The following AGBL1 variants were observed in gnomAD, a reference collection of about 807,000 sequenced individuals.
AGBL1 encodes the protein AGBL carboxypeptidase 1, also known as cytosolic carboxypeptidase 4.
AGBL1 carries 130 observed loss-of-function variants against 118.9 expected under a neutral mutation model. That is an observed-to-expected ratio of 1.09 (90% CI 0.95 to 1.26). The LOEUF is 1.26. AGBL1 is among the 50% of genes most tolerant of loss of function. AGBL1 has a pLI of 0.00. For missense variants in AGBL1, 1,584 were observed against 1,298.1 expected (o/e 1.22, Z -3.38); for synonymous variants, 555 against 478.9 (o/e 1.16, Z -2.08).
In AGBL1 at chr15:86,642,834, CTTT is replaced by C. The variant is rs988497963; in HGVS notation, c.2995-31436_2995-31434del. On this transcript the variant is annotated intron_variant, in intron 21 of 22. Coordinates refer to ENST00000614907, the MANE Select transcript of AGBL1 (RefSeq NM_001386094.1). The stretch of plus-strand genomic sequence containing the variant: ...ACCAAGAGCACTGGGTAGCTACCAT[CTTT>C]TTCTGTGCTTTAGGAGGACTATTTT... Among the ~76,000 whole-genome samples the C allele has an allele frequency of 2.6e-5, 4 of 152,206 alleles. No homozygotes were observed. In the East Asian group the frequency reaches 7.7e-4, roughly 29 times the overall value.
chr15:86,775,377 A>T (rs1377771523), intron 22 of AGBL1, among the ~76,000 whole-genome samples: 1 of 152,142 alleles, frequency 6.6e-6, no homozygotes, highest in African/African-American at 2.4e-5. Flanking sequence ...TGGTGACCAT[A>T]CACTTCTCTT....
intron 21 of AGBL1, among the ~76,000 whole-genome samples, chr15:86,569,268 A>C (rs1596275365): frequency 4.9e-5 from 2 of 40,586 alleles, no homozygotes; most frequent in South Asian, 9.0e-4. Flanking sequence ...CCATCTCTAC[A>C]AAAAAAATTA....
intron 22 of AGBL1, among the ~76,000 whole-genome samples, chr15:86,833,147 C>T (rs2141419421): frequency 6.6e-6 from 1 of 152,236 alleles, no homozygotes; most frequent in African/African-American, 2.4e-5. Context: ...TCTCATGACT[C>T]ATGGGCATTA....
At chr15:86,143,080 G>C (rs1160926679) in intron 2 of AGBL1, among the ~76,000 whole-genome samples, 1 of 152,186 alleles carries the variant, frequency 6.6e-6, no homozygotes, top group South Asian at 2.1e-4. Flanking sequence ...AGGTGGAGGA[G>C]GTCCCTGTTC....
At position 86,236,818 on chromosome 15, in the gene AGBL1, T is replaced by A. The variant is rs1014159894; in HGVS notation, c.527-10853T>A. On this transcript the variant is annotated intron_variant, in intron 6 of 22. Transcript: ENST00000614907. ...TTTGCATAGGGCTCAGGGGATTGGT[T>A]TGACCAGGCGTGTCATTCACATAGC... Among the ~76,000 whole-genome samples, 6 of 150,456 alleles carry A rather than the reference T, an allele frequency of 4.0e-5. No individual in the cohort carries two copies. In the Admixed American group the frequency reaches 4.0e-4, roughly 10 times the overall value.
intron 9 of AGBL1, among the ~76,000 whole-genome samples, chr15:86,259,410 A>G (rs1224124667): frequency 3.3e-5 from 5 of 152,320 alleles, no homozygotes; most frequent in Middle Eastern, 6.8e-3. Context: ...ATTAAGGTCA[A>G]TGCTGCCTTT....
intron 17 of AGBL1, among the ~76,000 whole-genome samples, chr15:86,382,299 A>G (rs1038892640): frequency 2.6e-5 from 4 of 152,296 alleles, no homozygotes; most frequent in East Asian, 3.9e-4. Context: ...GGGGCCAGAA[A>G]TAAGTCTTTG....
intron 21 of AGBL1, among the ~76,000 whole-genome samples, chr15:86,636,715 A>ATC (rs2085095060): frequency 1.9e-4 from 4 of 21,568 alleles, no homozygotes; most frequent in African/African-American, 8.0e-4. Flanking sequence ...ATATATATAT[A>ATC]TATATATATA....
chr15:86,719,222 C>A (rs1490984034), intron 22 of AGBL1, among the ~76,000 whole-genome samples: 1 of 152,132 alleles, frequency 6.6e-6, no homozygotes, highest in East Asian at 1.9e-4. Flanking sequence ...GCTTTTTCTT[C>A]CCCCAGTTGA....
chr15:86,382,148 G>A (rs1364436835), intron 17 of AGBL1, among the ~76,000 whole-genome samples: 3 of 151,098 alleles, frequency 2.0e-5, no homozygotes, highest in Non-Finnish European at 4.4e-5. Context: ...ATCAGTCCCA[G>A]GGGATGGGGG....
chr15:86,153,692 T>C (rs994006182), intron 3 of AGBL1, among the ~76,000 whole-genome samples: 5 of 152,210 alleles, frequency 3.3e-5, no homozygotes, highest in Non-Finnish European at 7.3e-5. Context: ...GGGGATAATT[T>C]TATTTTCTTA....
intron 21 of AGBL1, among the ~76,000 whole-genome samples, chr15:86,619,863 A>G (rs532304565): frequency 1.3e-5 from 2 of 152,280 alleles, no homozygotes; most frequent in South Asian, 4.1e-4. Context: ...AAGGAACTGA[A>G]ATGTACATGC....
intron 18 of AGBL1, among the ~76,000 whole-genome samples, chr15:86,508,675 T>C (rs2083014017): frequency 6.6e-6 from 1 of 152,118 alleles, no homozygotes; most frequent in Admixed American, 6.5e-5. Flanking sequence ...AATTAGTCTC[T>C]AAGATTATAT....
intron 21 of AGBL1, among the ~76,000 whole-genome samples, chr15:86,600,218 G>A (rs1173950951): frequency 6.6e-6 from 1 of 152,158 alleles, no homozygotes; most frequent in African/African-American, 2.4e-5. Context: ...ACTTTTGAAA[G>A]TATGTTGCCT....
chr15:86,315,443 G>A (rs1365558022), intron 17 of AGBL1, among the ~76,000 whole-genome samples: 5 of 152,202 alleles, frequency 3.3e-5, no homozygotes, highest in South Asian at 2.1e-4. Flanking sequence ...GGGGCCGGGC[G>A]CAGTGGCTCA....
At chr15:86,399,091 C>A (rs2081407245) in intron 18 of AGBL1, among the ~76,000 whole-genome samples, 1 of 152,084 alleles carries the variant, frequency 6.6e-6, no homozygotes, top group African/African-American at 2.4e-5. Flanking sequence ...GGCCTTTAAG[C>A]ACATGGGAAA....
intron 21 of AGBL1, among the ~76,000 whole-genome samples, chr15:86,652,531 A>G (rs1232425588): frequency 6.6e-6 from 1 of 152,142 alleles, no homozygotes; most frequent in Non-Finnish European, 1.5e-5. Context: ...TTTATATTTC[A>G]TAGTTATGTA....
intron 18 of AGBL1, among the ~76,000 whole-genome samples, chr15:86,414,657 C>A (rs1308919466): frequency 2.0e-5 from 3 of 152,126 alleles, no homozygotes; most frequent in African/African-American, 7.2e-5. Flanking sequence ...TGGAGACTCT[C>A]CAAGATGGGA....
At chr15:87,007,955 A>C (rs1466904782) in intron 24 of AGBL1, among the ~76,000 whole-genome samples, 1 of 152,236 alleles carries the variant, frequency 6.6e-6, no homozygotes, top group Non-Finnish European at 1.5e-5. Context: ...TATAAGGAGA[A>C]ATAATGGAAG....
Sources: gnomAD v4.1 joint callset for allele counts (sites outside exome capture counted in the v4.1 genomes callset) on GRCh38, gnomAD v4.1.1 for gene constraint, MANE v1.5 for transcripts, NCBI Gene and HGNC (gene_info 2026-07-23, HGNC 2026-07-21) for gene names.